Variants in ANAPC10 observed in about 807,000 individuals in gnomAD.
The protein encoded by ANAPC10 is anaphase-promoting complex subunit 10.
ANAPC10 carries 12 observed loss-of-function variants against 22.0 expected under a neutral mutation model. That is an observed-to-expected ratio of 0.55 (90% CI 0.35 to 0.88). ANAPC10 has a LOEUF of 0.88. ANAPC10 is among the 40% of genes least tolerant of loss of function. ANAPC10 has a pLI of 0.01. For missense variants in ANAPC10, 188 were observed against 220.9 expected (o/e 0.85, Z 0.94); for synonymous variants, 65 against 69.5 (o/e 0.94, Z 0.32).
At chr4:145,097,898 G>A (rs990880372) in intron 1 of ANAPC10, 44 of 247,448 alleles carry the variant, frequency 1.8e-4, no homozygotes, top group Non-Finnish European at 2.8e-4. Context: ...ACACAGTTGA[G>A]AGGAAGTTGA....
intron 4 of ANAPC10, among the ~76,000 whole-genome samples, chr4:145,061,285 G>A (rs1054171414): frequency 7.9e-5 from 12 of 152,128 alleles, no homozygotes; most frequent in African/African-American, 2.6e-4. Flanking sequence ...TCCAAATATC[G>A]CTTAAAGTTT....
chr4:145,010,980 G>A (rs1194865713), intron 4 of ANAPC10, among the ~76,000 whole-genome samples: 1 of 152,086 alleles, frequency 6.6e-6, no homozygotes, highest in African/African-American at 2.4e-5. Context: ...AAGACAGAAA[G>A]CTTCCACAAT....
At chr4:145,035,965 TGA>T (rs967655870) in intron 4 of ANAPC10, among the ~76,000 whole-genome samples, 1 of 152,168 alleles carries the variant, frequency 6.6e-6, no homozygotes, top group Non-Finnish European at 1.5e-5. Flanking sequence ...AATGTGGAAC[TGA>T]GAGTTACGTA....
At chr4:144,997,481 CA>C (rs1331253295) in intron 4 of ANAPC10, among the ~76,000 whole-genome samples, 1 of 152,160 alleles carries the variant, frequency 6.6e-6, no homozygotes, top group African/African-American at 2.4e-5. Flanking sequence ...CATATCCAGC[CA>C]AACTAAGCTT....
At chr4:145,097,712 C>A (rs887591855) in intron 1 of ANAPC10, 2 of 376,832 alleles carry the variant, frequency 5.3e-6, no homozygotes, top group African/African-American at 4.2e-5. Flanking sequence ...AGATCTAGGG[C>A]GAGACTATTC....
Position 145,064,587 on chromosome 4 carries a change from G to C in ANAPC10, c.312C>G (p.Asn104Lys). Reference sequence around the variant, plus strand: ...AAAGACATACCCGAATTTCTTGAAGGTTGTGAAAATTATTTCCTACTCTGA... The same window carrying C: ...AAAGACATACCCGAATTTCTTGAAGCTTGTGAAAATTATTTCCTACTCTGA... ...ISVRVGNNFH[N>K]LQEIRQLELV... Residue 104 changes from asparagine to lysine, a missense_variant, in exon 4 of 5, where the codon AAC becomes AAG. By Grantham distance (94) the Asn-to-Lys change is moderately conservative. Transcript: ENST00000507656. The C allele has an allele frequency of 6.2e-7, 1 of 1,604,890 alleles. No individual in the cohort carries two copies. The highest frequency in any genetic ancestry group is 8.5e-7 in the Non-Finnish European group (1 of 1,175,942).
intron 4 of ANAPC10, among the ~76,000 whole-genome samples, chr4:145,008,786 G>A (rs908299363): frequency 6.6e-6 from 1 of 152,104 alleles, no homozygotes; most frequent in African/African-American, 2.4e-5. Flanking sequence ...CACGAGACAG[G>A]GATGCCCTCT....
At chr4:145,032,434 G>C (rs1231832285) in intron 4 of ANAPC10, among the ~76,000 whole-genome samples, 1 of 152,210 alleles carries the variant, frequency 6.6e-6, no homozygotes, top group African/African-American at 2.4e-5. Context: ...TAGGGAAGAG[G>C]TATGTGGATG....
At chr4:145,055,134 C>A (rs185601131) in intron 4 of ANAPC10, among the ~76,000 whole-genome samples, 394 of 152,306 alleles carry the variant, frequency 2.6e-3, no homozygotes, top group African/African-American at 8.9e-3. Flanking sequence ...GATAAGTGTA[C>A]ATCCACTGTT....
intron 3 of ANAPC10, among the ~76,000 whole-genome samples, chr4:145,068,393 C>A (rs1744013930): frequency 6.6e-6 from 1 of 151,918 alleles, no homozygotes; most frequent in Admixed American, 6.6e-5. Flanking sequence ...CCCTAAGGTA[C>A]AAAACTTAAA....
At chr4:145,015,737 T>C (rs2126952285) in intron 4 of ANAPC10, among the ~76,000 whole-genome samples, 1 of 152,240 alleles carries the variant, frequency 6.6e-6, no homozygotes, top group South Asian at 2.1e-4. Flanking sequence ...TAACAGCAGA[T>C]TTCTCAGCAG....
chr4:145,022,082 A>G (rs905523134), intron 4 of ANAPC10, among the ~76,000 whole-genome samples: 1 of 152,216 alleles, frequency 6.6e-6, no homozygotes, highest in Non-Finnish European at 1.5e-5. Flanking sequence ...TACAGCCACT[A>G]TGGAAAACAG....
chr4:145,059,285 T>G (rs1742520917), intron 4 of ANAPC10, among the ~76,000 whole-genome samples: 1 of 152,136 alleles, frequency 6.6e-6, no homozygotes, highest in African/African-American at 2.4e-5. Context: ...ACTAACCACT[T>G]CTGTCAAAGT....
At chr4:145,082,747 A>G (rs1214383256) in intron 2 of ANAPC10, among the ~76,000 whole-genome samples, 1 of 152,212 alleles carries the variant, frequency 6.6e-6, no homozygotes, top group Non-Finnish European at 1.5e-5. Flanking sequence ...TTTTTTCCTG[A>G]TTAAAACCAC....
rs144850085 is a variant in ANAPC10, at chr4:145,019,231, T to C, written c.328-23628A>G. 3.0e-3 allele frequency among the ~76,000 whole-genome samples: 449 copies of C among 152,160 alleles called. 2 individuals carry two copies. The highest frequency in any genetic ancestry group is 0.01 in the African/African-American group (420 of 41,514). ...TGAGCTGTAATAAATTTAAGAAAAC[T>C]GAAATTATATCAAGGACTCTCTCAG... On this transcript the variant is annotated intron_variant, in intron 4 of 4. Coordinates refer to ENST00000507656, the MANE Select transcript of ANAPC10 (RefSeq NM_001256706.2).
chr4:145,006,609 A>C (rs565042963), intron 4 of ANAPC10, among the ~76,000 whole-genome samples: 1 of 152,048 alleles, frequency 6.6e-6, no homozygotes, highest in African/African-American at 2.4e-5. Context: ...TCAAATTGTC[A>C]TTTTTGTAGG....
chr4:145,045,795 C>G (rs985306979), intron 4 of ANAPC10, among the ~76,000 whole-genome samples: 2 of 151,980 alleles, frequency 1.3e-5, no homozygotes, highest in Non-Finnish European at 2.9e-5. Context: ...TTATGCCAGC[C>G]CACAAAGAAG....
At chr4:145,068,680 G>A (rs1261134790) in intron 3 of ANAPC10, among the ~76,000 whole-genome samples, 3 of 152,190 alleles carry the variant, frequency 2.0e-5, no homozygotes, top group East Asian at 1.9e-4. Context: ...GGGAGGCTGA[G>A]GCAGGCAGAT....
At chr4:145,009,281 T>C (rs1245964406) in intron 4 of ANAPC10, among the ~76,000 whole-genome samples, 2 of 152,096 alleles carry the variant, frequency 1.3e-5, no homozygotes, top group Admixed American at 1.3e-4. Context: ...AGATTCAATG[T>C]CATCCCCATC....
Sources: gnomAD v4.1 joint callset for allele counts (sites outside exome capture counted in the v4.1 genomes callset) on GRCh38, gnomAD v4.1.1 for gene constraint, MANE v1.5 for transcripts, NCBI Gene and HGNC (gene_info 2026-07-23, HGNC 2026-07-21) for gene names.